RIPOR3: variants seen among roughly 807,000 people sequenced by gnomAD.
The protein encoded by RIPOR3 is family with sequence similarity 65 member C.
RIPOR3 carries 95 observed loss-of-function variants against 114.3 expected under a neutral mutation model. That is an observed-to-expected ratio of 0.83 (90% CI 0.70 to 0.99). The LOEUF (loss-of-function observed/expected upper bound fraction) is 0.99. Among genes scored for constraint, RIPOR3 ranks in the 50% least tolerant of loss-of-function variants. RIPOR3 has a pLI of 0.00. For synonymous variants in RIPOR3, 575 were observed against 543.8 expected (o/e 1.06, Z -0.80); for missense variants, 1,252 against 1,266.9 (o/e 0.99, Z 0.18).
chr20:50,593,051 G>A lies in RIPOR3; in HGVS notation c.2358C>T (p.Thr786=), dbSNP rs779987090. 8.7e-6 allele frequency: 14 copies of A among 1,614,080 alleles called. No individual in the cohort carries two copies. Among genetic ancestry groups the A allele is most frequent in the Admixed American group, 1.7e-5 (1 of 60,024 alleles). The change falls in exon 18 of 22, where the codon ACC becomes ACT. Residue 786 remains threonine, a synonymous_variant. Coordinates refer to ENST00000327979, the MANE Select transcript of RIPOR3 (RefSeq NM_001290268.2). ...CAGTCTTACCTTCCTTGGTGAGCTG[G>A]GTGAAGTGCTTCTCCAGGTCAGAGA... The part of the protein sequence containing the change: ...QSVSDLEKHF[T]QLTKEVTLIE...
intron 1 of RIPOR3, among the ~76,000 whole-genome samples, chr20:50,675,807 G>A (rs1194883967): frequency 6.6e-6 from 1 of 152,220 alleles, no homozygotes; most frequent in East Asian, 1.9e-4. Flanking sequence ...AGTGCCTGGA[G>A]GGCAGCAGCT....
chr20:50,689,172 CTTTTTTTTTTTTT>C (rs71964773), intron 1 of RIPOR3, among the ~76,000 whole-genome samples: 2 of 88,816 alleles, frequency 2.3e-5, no homozygotes, highest in Middle Eastern at 6.0e-3. Context: ...CTCCAAACTT[CTTTTTTTTTTTTT>C]TTTTTTTTTG....
chr20:50,619,950 T>C, intron 3 of RIPOR3, 36 bp downstream of exon 3: 1 of 1,593,950 alleles, frequency 6.3e-7, no homozygotes. Context: ...GGTAGAGGAA[T>C]GCACTTCTTA....
Position 50,594,608 on chromosome 20 carries a change from G to A in RIPOR3, c.2157C>T (p.Leu719=), listed in dbSNP as rs1224081463. ...TGACTCTGTGCTGGAAGGTTTTCTT[G>A]AGCTGGTTCAGCAGCGTCGTGGCAG... The part of the protein sequence containing the change: ...SCPATTLLNQ[L]KKTFQHRVRG... Residue 719 remains leucine, a synonymous_variant, in exon 17 of 22, where the codon CTC becomes CTT. Coordinates refer to ENST00000327979, the MANE Select transcript of RIPOR3 (RefSeq NM_001290268.2). The A allele has an allele frequency of 4.3e-6, 7 of 1,614,074 alleles. No individual in the cohort carries two copies. The highest frequency in any genetic ancestry group is 2.2e-5 in the East Asian group (1 of 44,870).
intron 1 of RIPOR3, among the ~76,000 whole-genome samples, chr20:50,678,238 A>C (rs2086739421): frequency 6.6e-6 from 1 of 152,238 alleles, no homozygotes; most frequent in Non-Finnish European, 1.5e-5. Flanking sequence ...CACAAGGCAC[A>C]GTACAGGTTT....
chr20:50,592,201 G>A (rs892779617), intron 19 of RIPOR3, 143 bp downstream of exon 19: 29 of 763,524 alleles, frequency 3.8e-5, no homozygotes, highest in African/African-American at 1.3e-4. Flanking sequence ...GTGTTAGATC[G>A]TAGCCCAGGT....
intron 14 of RIPOR3, chr20:50,597,227 A>G: frequency 5.4e-6 from 1 of 186,244 alleles, no homozygotes; most frequent in Non-Finnish European, 1.1e-5. Context: ...CGGCCTCCCA[A>G]AGTGTTGGGA....
chr20:50,633,882 A>G (rs564328377), intron 1 of RIPOR3, among the ~76,000 whole-genome samples: 1 of 151,356 alleles, frequency 6.6e-6, no homozygotes, highest in Non-Finnish European at 1.5e-5. Flanking sequence ...CAATGGCCCC[A>G]TTTTTCATAT....
At chr20:50,610,806 G>A (rs894906634) in intron 6 of RIPOR3, 47 bp downstream of exon 6, 8 of 1,613,066 alleles carry the variant, frequency 5.0e-6, no homozygotes, top group Admixed American at 3.3e-5. Context: ...GGCCCAGCAA[G>A]CTGGCACTGC....
At chr20:50,609,381 G>A in intron 7 of RIPOR3, 25 bp from the exon 8 acceptor site, 1 of 1,610,606 alleles carries the variant, frequency 6.2e-7, no homozygotes, top group African/African-American at 1.3e-5. Context: ...AGGTGGCTCA[G>A]CTGGCTGCCT....
At chr20:50,589,891 G>C (rs1010903147) in intron 19 of RIPOR3, 122 bp from the exon 20 acceptor site, 1 of 782,366 alleles carries the variant, frequency 1.3e-6, no homozygotes, top group African/African-American at 1.7e-5. Context: ...TCTAAACAAC[G>C]TTCAGGACAC....
At chr20:50,622,692 C>G (rs1568879381) in intron 2 of RIPOR3, among the ~76,000 whole-genome samples, 2 of 150,208 alleles carry the variant, frequency 1.3e-5, no homozygotes, top group Non-Finnish European at 3.0e-5. Context: ...CTCTGGACTG[C>G]AGAGAGAGAG....
chr20:50,600,854 G>A (rs2083468957), intron 13 of RIPOR3, among the ~76,000 whole-genome samples: 1 of 152,226 alleles, frequency 6.6e-6, no homozygotes, highest in Non-Finnish European at 1.5e-5. Context: ...AACAACCATA[G>A]TAGTGGTAAA....
chr20:50,638,735 C>T (rs73615311), intron 1 of RIPOR3, among the ~76,000 whole-genome samples: 390 of 152,174 alleles, frequency 2.6e-3, no homozygotes, highest in South Asian at 0.012. Context: ...GGAAGCTGGG[C>T]CTCCAAGAAG....
chr20:50,587,774 G>C, intron 21 of RIPOR3, 28 bp downstream of exon 21: 1 of 1,611,890 alleles, frequency 6.2e-7, no homozygotes, highest in Middle Eastern at 1.7e-4. Context: ...GCACCCCGCT[G>C]CGCTGCACAG....
At chr20:50,666,153 A>C in intron 1 of RIPOR3, among the ~76,000 whole-genome samples, 1 of 77,122 alleles carries the variant, frequency 1.3e-5, no homozygotes, top group South Asian at 5.7e-4. Flanking sequence ...AGCCAAGACA[A>C]GAGGCCTAGA....
intron 1 of RIPOR3, among the ~76,000 whole-genome samples, chr20:50,677,357 T>C (rs1292307905): frequency 1.4e-5 from 2 of 146,278 alleles, no homozygotes; most frequent in Non-Finnish European, 3.0e-5. Flanking sequence ...ATTATTATTT[T>C]CTTGTTTTAC....
At chr20:50,631,112 G>C (rs185790292) in intron 1 of RIPOR3, among the ~76,000 whole-genome samples, 1 of 152,082 alleles carries the variant, frequency 6.6e-6, no homozygotes, top group Non-Finnish European at 1.5e-5. Flanking sequence ...CCTTAGTGCC[G>C]GGCAATGCTG....
At chr20:50,603,269 C>T (rs1042922801) in intron 12 of RIPOR3, among the ~76,000 whole-genome samples, 2 of 152,328 alleles carry the variant, frequency 1.3e-5, no homozygotes, top group East Asian at 1.9e-4. Flanking sequence ...GAAATAGTCT[C>T]GCTCTGTTGC....
Sources: allele counts gnomAD v4.1 joint callset (sites outside exome capture counted in the v4.1 genomes callset), GRCh38; gene constraint gnomAD v4.1.1; transcripts MANE v1.5; gene names NCBI Gene and HGNC (gene_info 2026-07-23, HGNC 2026-07-21).